The following TUBB1 variants were observed in gnomAD, a reference collection of about 807,000 sequenced individuals.
TUBB1 encodes tubulin beta-1 chain.
Under a neutral mutation model 22.6 loss-of-function variants are expected in TUBB1, and 28 were observed. The ratio of observed to expected loss-of-function variants is 1.24; its 90% CI spans 0.92 to 1.70. The LOEUF (loss-of-function observed/expected upper bound fraction) is 1.70, where lower values mean the gene tolerates loss of function less well. TUBB1 is among the 40% of genes most tolerant of loss of function. The pLI is 0.00. For synonymous variants in TUBB1, 226 were observed against 238.0 expected, an observed-to-expected ratio of 0.95 and a Z score of 0.46; for missense variants, 577 against 605.5, an observed-to-expected ratio of 0.95 and a Z score of 0.49.
intron 1 of TUBB1, among the ~76,000 whole-genome samples, chr20:59,020,693 G>C (rs776616596): frequency 4.0e-4 from 61 of 151,810 alleles, no homozygotes; most frequent in Non-Finnish European, 7.9e-4. Context: ...GAAAATAAAA[G>C]TTTTTTGTGT....
chr20:59,019,790 C>T (rs2091959734), intron 1 of TUBB1, among the ~76,000 whole-genome samples: 1 of 152,210 alleles, frequency 6.6e-6, no homozygotes, highest in African/African-American at 2.4e-5. Context: ...AGCTACAACA[C>T]ACATTAAGTG....
Position 59,024,190 on chromosome 20 carries a change from G to A in TUBB1, c.763G>A (p.Val255Met), listed in dbSNP as rs1236870780. Residue 255 changes from valine (V) to methionine (M), a missense_variant, in exon 4 of 4, where the codon GTG (valine) becomes ATG (methionine). Physicochemically the swap from Val to Met is conservative, Grantham distance 21. Transcript: ENST00000217133. This position sits in a 1 kb window ranked among gnomAD's most constrained non-coding sequence, Gnocchi z 4.9. ...CAACGCAGACCTGCGCAAGCTGGCG[G>A]TGAACATGGTCCCCTTCCCCCGCCT... Reference protein sequence around the residue: ...QLNADLRKLAVNMVPFPRLHF... With the variant: ...QLNADLRKLAMNMVPFPRLHF... The A allele has an allele frequency of 9.3e-6, 15 of 1,614,084 alleles. No individual in the cohort carries two copies. Among genetic ancestry groups the A allele is most frequent in the Admixed American group, 1.7e-5 (1 of 60,012 alleles).
At chr20:59,021,032 A>T (rs183615523) in intron 1 of TUBB1, among the ~76,000 whole-genome samples, 1 of 152,352 alleles carries the variant, frequency 6.6e-6, no homozygotes, top group East Asian at 1.9e-4. Context: ...TGCTGCCAGG[A>T]AACAACTAAG....
chr20:59,019,629 C>A, intron 1 of TUBB1, 50 bp downstream of exon 1: 1 of 1,589,638 alleles, frequency 6.3e-7, no homozygotes, highest in Non-Finnish European at 8.6e-7. Flanking sequence ...TCCATAGAGG[C>A]GGACAACCAA....
chr20:59,024,403 G>C lies in TUBB1; in HGVS notation c.976G>C (p.Val326Leu). ...IFRGKMSTKE[V>L]DQQLLSVQTR... ...CCGGGGCAAGATGTCCACCAAGGAA[G>C]TGGACCAGCAACTGCTCTCCGTGCA... Residue 326 changes from valine (V) to leucine (L), a missense_variant, in exon 4 of 4, where the codon GTG becomes CTG. Transcript: ENST00000217133. The surrounding 1 kb of genome is among the most constrained non-coding windows in gnomAD (Gnocchi z 4.9). 1 of 1,614,240 alleles carries C rather than the reference G, an allele frequency of 6.2e-7. No homozygotes were observed. The highest frequency in any genetic ancestry group is 1.1e-5 in the South Asian group (1 of 91,090).
rs912804389 is a variant in TUBB1 at position 59,024,785 on chromosome 20, T to A, written c.*2T>A. The A allele has an allele frequency of 4.3e-6, 7 of 1,613,720 alleles. No homozygotes were observed. The African/African-American group carries it at 9.3e-5, about 22-fold the overall frequency. On this transcript the variant is annotated 3_prime_UTR_variant, in exon 4 of 4. Transcript: ENST00000217133. The surrounding 1 kb of genome is among the most constrained non-coding windows in gnomAD (Gnocchi z 4.9). ...GAGCCAGAAGATAAGGGACATTAAC[T>A]GTGAGAGAAGCTGTGCCGCGGAGTC...
chr20:59,023,153 T>C (rs2091976318), intron 2 of TUBB1, among the ~76,000 whole-genome samples, 200 bp downstream of exon 2: 2 of 152,304 alleles, frequency 1.3e-5, no homozygotes, highest in East Asian at 1.9e-4. Context: ...CTGCTGGATA[T>C]GGCACACACC....
upstream of TUBB1, among the ~76,000 whole-genome samples, chr20:59,018,510 C>T (rs753619477): frequency 7.2e-5 from 11 of 151,972 alleles, no homozygotes; most frequent in African/African-American, 1.9e-4. Flanking sequence ...CAGGTTCAAG[C>T]GATTCTCCTG....
At position 59,024,350 on chromosome 20, in the gene TUBB1, G is replaced by A. The variant is rs1426421616; in HGVS notation, c.923G>A (p.Gly308Asp). 1 of 1,614,100 alleles carries A rather than the reference G, an allele frequency of 6.2e-7. No homozygotes were observed. Among genetic ancestry groups the A allele is most frequent in the Non-Finnish European group, 8.5e-7 (1 of 1,180,012 alleles). The change falls in exon 4 of 4, where the codon GGC becomes GAC. Residue 308 changes from glycine to aspartate, a missense_variant. Transcript: ENST00000217133. The surrounding 1 kb of genome is among the most constrained non-coding windows in gnomAD (Gnocchi z 4.9). The stretch of plus-strand genomic sequence containing the variant: ...ATGGCTGCCTGTGACCTCCGCCGTG[G>A]CCGCTACCTCACAGTGGCCTGCATT... ...NTMAACDLRR[G>D]RYLTVACIFR...
At chr20:59,018,970 C>T (rs778676573), upstream of TUBB1, among the ~76,000 whole-genome samples, 4 of 152,172 alleles carry the variant, frequency 2.6e-5, no homozygotes, top group Non-Finnish European at 4.4e-5. Flanking sequence ...GTGCCTGATG[C>T]AGGCCATCCC....
intron 1 of TUBB1, among the ~76,000 whole-genome samples, chr20:59,019,939 A>C (rs1440925136): frequency 6.6e-6 from 1 of 152,172 alleles, no homozygotes; most frequent in Non-Finnish European, 1.5e-5. Flanking sequence ...AGAGTGGCAG[A>C]ATCATGGCTC....
chr20:59,019,488 T>G lies in TUBB1; in HGVS notation c.-35T>G. 6 of 1,612,998 alleles carry G rather than the reference T, an allele frequency of 3.7e-6. No individual in the cohort carries two copies. The highest frequency in any genetic ancestry group is 5.1e-6 in the Non-Finnish European group (6 of 1,178,980). On this transcript the variant is annotated 5_prime_UTR_variant, in exon 1 of 4. The change creates a new upstream start codon in the 5' untranslated region. Transcript: ENST00000217133. The stretch of plus-strand genomic sequence containing the variant: ...CTCTGGATTCTGAGAGTCTGAGGAT[T>G]CCGTGAAGATCTCAGACTTGGGCTC...
intron 1 of TUBB1, among the ~76,000 whole-genome samples, chr20:59,022,195 C>T (rs868392411): frequency 8.0e-5 from 12 of 150,768 alleles, no homozygotes; most frequent in Middle Eastern, 3.2e-3. Context: ...ATTAGTTGGG[C>T]GTGGTGGTGC....
upstream of TUBB1, among the ~76,000 whole-genome samples, chr20:59,016,873 G>A (rs1410625568): frequency 6.6e-6 from 1 of 152,176 alleles, no homozygotes; most frequent in African/African-American, 2.4e-5. Flanking sequence ...CCTTTGGGCA[G>A]GGAGGAGGGG....
In TUBB1 at chr20:59,024,649, T is replaced by A; in HGVS notation, c.1222T>A (p.Phe408Ile). The A allele has an allele frequency of 1.2e-6, 2 of 1,614,036 alleles. No homozygotes were observed. Among genetic ancestry groups the A allele is most frequent in the Non-Finnish European group, 1.7e-6 (2 of 1,180,018 alleles). ...YTSEGMDINE[F>I]GEAENNIHDL... ...CAGCGAAGGGATGGACATAAACGAA[T>A]TTGGGGAAGCTGAAAATAACATCCA... Residue 408 changes from phenylalanine (F) to isoleucine (I), a missense_variant, in exon 4 of 4, where the codon TTT (phenylalanine) becomes ATT (isoleucine). Phe to Ile is a conservative substitution (Grantham distance 21, BLOSUM62 0). Coordinates refer to ENST00000217133, the MANE Select transcript of TUBB1 (RefSeq NM_030773.4). This position sits in a 1 kb window ranked among gnomAD's most constrained non-coding sequence, Gnocchi z 4.9.
chr20:59,023,806 T>C lies in TUBB1; in HGVS notation c.379T>C (p.Cys127Arg). ...GGTGGTGAGGCACGAGAGTGAGAGC[T>C]GTGACTGCCTGCAGGGCTTCCAGAT... ...LEVVRHESES[C>R]DCLQGFQIVH... The change falls in exon 4 of 4, where the codon TGT (cysteine) becomes CGT (arginine). Residue 127 changes from cysteine to arginine, a missense_variant. Physicochemically the swap from Cys to Arg is radical, Grantham distance 180. Coordinates refer to ENST00000217133, the MANE Select transcript of TUBB1 (RefSeq NM_030773.4). 1 of 1,614,146 alleles carries C rather than the reference T, an allele frequency of 6.2e-7. No individual in the cohort carries two copies. The highest frequency in any genetic ancestry group is 8.5e-7 in the Non-Finnish European group (1 of 1,180,018).
intron 1 of TUBB1, 55 bp downstream of exon 1, chr20:59,019,634 A>T: frequency 6.4e-7 from 1 of 1,574,626 alleles, no homozygotes; most frequent in Admixed American, 1.7e-5. Context: ...AGAGGCGGAC[A>T]ACCAAAAAAA....
intron 1 of TUBB1, among the ~76,000 whole-genome samples, chr20:59,020,547 T>C (rs969333386): frequency 3.3e-5 from 5 of 152,370 alleles, no homozygotes; most frequent in South Asian, 4.1e-4. Flanking sequence ...AAACAGCTTT[T>C]TGAAGTTTTT....
chr20:59,024,094 G>T lies in TUBB1; in HGVS notation c.667G>T (p.Gly223Trp), dbSNP rs113940639. 3.1e-6 allele frequency: 5 copies of T among 1,614,162 alleles called. No homozygotes were observed. Among genetic ancestry groups the T allele is most frequent in the Non-Finnish European group, 1.7e-6 (2 of 1,180,020 alleles). The change falls in exon 4 of 4, where the codon GGG (glycine) becomes TGG (tryptophan). Residue 223 changes from glycine (G) to tryptophan (W), a missense_variant. Coordinates refer to ENST00000217133, the MANE Select transcript of TUBB1 (RefSeq NM_030773.4). This position sits in a 1 kb window ranked among gnomAD's most constrained non-coding sequence, Gnocchi z 4.9. ...CCTGAAGCTGACGACACCCACCTAT[G>T]GGGATCTCAACCACCTAGTGTCCTT... ...RTLKLTTPTY[G>W]DLNHLVSLTM...
Sources: gnomAD v4.1 joint callset for allele counts (sites outside exome capture counted in the v4.1 genomes callset) on GRCh38, gnomAD v4.1.1 for gene constraint, Gnocchi (gnomAD v3.1) non-coding constraint, MANE v1.5 for transcripts, NCBI Gene and HGNC (gene_info 2026-07-23, HGNC 2026-07-21) for gene names.